The following CTNNA2 variants were observed in gnomAD, a reference collection of about 807,000 sequenced individuals.
The protein encoded by CTNNA2 is catenin alpha 2.
A neutral mutation model predicts 101.0 loss-of-function variants in CTNNA2; 42 were observed. The observed-to-expected ratio is 0.42, with a 90% confidence interval of 0.32 to 0.54. The LOEUF (loss-of-function observed/expected upper bound fraction) is 0.54. Ranked by LOEUF, CTNNA2 falls within the 20% of genes least tolerant of loss-of-function variation. CTNNA2 has a pLI of 0.14. For synonymous variants in CTNNA2, 450 were observed against 456.4 expected (o/e 0.99, Z 0.18); for missense variants, 871 against 1,223.1 (o/e 0.71, Z 4.29).
intron 4 of CTNNA2, among the ~76,000 whole-genome samples, chr2:79,447,601 C>T (rs1019960303): frequency 1.3e-5 from 2 of 152,038 alleles, no homozygotes; most frequent in Admixed American, 1.3e-4. Flanking sequence ...TACCTGCCAT[C>T]CAGGCTGTTC....
At chr2:79,704,510 CTTTTTTTTTT>C (rs780311540) in intron 2 of CTNNA2, among the ~76,000 whole-genome samples, 5 of 127,570 alleles carry the variant, frequency 3.9e-5, no homozygotes, top group Non-Finnish European at 8.2e-5. Context: ...ACTTGTGCTT[CTTTTTTTTTT>C]TTTTTTTTTT....
rs148967428 is a variant in CTNNA2, at chr2:79,490,110, C to T, written c.-134-14944C>T. The stretch of plus-strand genomic sequence containing the variant: ...ATCTTACCTTCAGTATTTCCATCCA[C>T]TCTGTGGAGTCATGCCTTGATATTC... On this transcript the variant is annotated intron_variant, in intron 4 of 21. Transcript: ENST00000466387. 1.8e-3 allele frequency among the ~76,000 whole-genome samples: 269 copies of T among 152,314 alleles called. 1 individual carries two copies. The highest frequency in any genetic ancestry group is 6.3e-3 in the African/African-American group (260 of 41,558).
At chr2:79,733,971 G>T (rs1217498840) in intron 2 of CTNNA2, among the ~76,000 whole-genome samples, 1 of 152,044 alleles carries the variant, frequency 6.6e-6, no homozygotes, top group Non-Finnish European at 1.5e-5. Flanking sequence ...TGTGTCTATT[G>T]TGCTTTCAGA....
chr2:80,220,530 TGGGCAACATAGCAAGACCTC>T (rs1368194291), intron 7 of CTNNA2, among the ~76,000 whole-genome samples: 3 of 152,238 alleles, frequency 2.0e-5, no homozygotes, highest in Non-Finnish European at 4.4e-5. Context: ...GAGACCAGCC[TGGGCAACATAGCAAGACCTC>T]GGCTCTATTA....
intron 7 of CTNNA2, among the ~76,000 whole-genome samples, chr2:80,107,280 C>A (rs1166420070): frequency 6.6e-6 from 1 of 152,162 alleles, no homozygotes; most frequent in Admixed American, 6.5e-5. Context: ...TCACCCTGCT[C>A]CCCATCCTGT....
intron 7 of CTNNA2, among the ~76,000 whole-genome samples, chr2:80,294,606 A>G (rs4309597): frequency 0.57 from 86,772 of 151,828 alleles, 25,797 homozygotes; most frequent in African/African-American, 0.75. Flanking sequence ...TCTCAGCCTT[A>G]GCTGAACTAT....
chr2:80,231,342 G>GA (rs1709198655), intron 7 of CTNNA2, among the ~76,000 whole-genome samples: 1 of 152,136 alleles, frequency 6.6e-6, no homozygotes, highest in African/African-American at 2.4e-5. Context: ...GTGGTTCAGA[G>GA]CGTCACCTCT....
chr2:79,757,003 G>T (rs375596932), intron 3 of CTNNA2, among the ~76,000 whole-genome samples: 1 of 152,164 alleles, frequency 6.6e-6, no homozygotes, highest in African/African-American at 2.4e-5. Flanking sequence ...CAGTTTGGCA[G>T]TTTCTAAAAT....
At chr2:80,472,335 C>A (rs1429826758) in intron 9 of CTNNA2, among the ~76,000 whole-genome samples, 1 of 152,140 alleles carries the variant, frequency 6.6e-6, no homozygotes, top group Non-Finnish European at 1.5e-5. Context: ...AAATGGTAAT[C>A]TCTTACAGTC....
intron 3 of CTNNA2, among the ~76,000 whole-genome samples, chr2:79,788,059 CAT>C (rs919956791): frequency 5.3e-5 from 8 of 152,076 alleles, no homozygotes; most frequent in African/African-American, 7.2e-5. Context: ...GTATGTCCGA[CAT>C]GTGGATTTTA....
intron 4 of CTNNA2, among the ~76,000 whole-genome samples, chr2:79,503,013 G>T (rs1671337060): frequency 6.6e-6 from 1 of 152,156 alleles, no homozygotes; most frequent in African/African-American, 2.4e-5. Context: ...CTTGCTGTGT[G>T]CAGGCACAAG....
At chr2:79,772,019 CTCT>C (rs1429230791) in intron 3 of CTNNA2, among the ~76,000 whole-genome samples, 1 of 150,744 alleles carries the variant, frequency 6.6e-6, no homozygotes, top group East Asian at 2.0e-4. Context: ...CCCTCCTCTC[CTCT>C]TCTTTTTTTT....
chr2:79,470,906 G>A (rs1670991942), intron 4 of CTNNA2, among the ~76,000 whole-genome samples: 1 of 152,088 alleles, frequency 6.6e-6, no homozygotes, highest in African/African-American at 2.4e-5. Flanking sequence ...TAGTCTAAAA[G>A]GTTAATCTTC....
At chr2:79,562,952 A>G (rs1301288222) in intron 1 of CTNNA2, among the ~76,000 whole-genome samples, 5 of 151,960 alleles carry the variant, frequency 3.3e-5, no homozygotes, top group African/African-American at 4.8e-5. Flanking sequence ...CTTATTTTCT[A>G]ATATATTCCT....
intron 3 of CTNNA2, among the ~76,000 whole-genome samples, chr2:79,753,375 A>G (rs1672175769): frequency 6.6e-6 from 1 of 152,174 alleles, no homozygotes; most frequent in Non-Finnish European, 1.5e-5. Flanking sequence ...TCCTTTCTCA[A>G]ATTTTCTCAA....
intron 2 of CTNNA2, among the ~76,000 whole-genome samples, chr2:79,212,180 A>T (rs1288742114): frequency 6.6e-6 from 1 of 152,144 alleles, no homozygotes; most frequent in Non-Finnish European, 1.5e-5. Flanking sequence ...GCACCAGGAG[A>T]TATCAGCTGT....
intron 1 of CTNNA2, among the ~76,000 whole-genome samples, chr2:79,577,310 AATATT>A (rs1390088926): frequency 1.3e-5 from 2 of 152,102 alleles, no homozygotes; most frequent in Non-Finnish European, 1.5e-5. Flanking sequence ...AAGCATTTTT[AATATT>A]ATATTAGTTA....
chr2:79,633,266 C>T (rs998559530), intron 1 of CTNNA2, among the ~76,000 whole-genome samples: 8 of 152,160 alleles, frequency 5.3e-5, no homozygotes, highest in African/African-American at 1.9e-4. Context: ...TATCTCCCCT[C>T]ATAGTCACAG....
At chr2:79,222,911 G>C (rs1674363318) in intron 2 of CTNNA2, among the ~76,000 whole-genome samples, 1 of 151,992 alleles carries the variant, frequency 6.6e-6, no homozygotes, top group Admixed American at 6.6e-5. Context: ...ACTTTGGAAG[G>C]ACAAGGTGAA....
Sources: allele counts gnomAD v4.1 joint callset (sites outside exome capture counted in the v4.1 genomes callset), GRCh38; gene constraint gnomAD v4.1.1; transcripts MANE v1.5; gene names NCBI Gene and HGNC (gene_info 2026-07-23, HGNC 2026-07-21).